The following QSOX1 variants were observed in gnomAD, a reference collection of about 807,000 sequenced individuals.
QSOX1 encodes sulfhydryl oxidase 1.
Under a neutral mutation model 76.1 loss-of-function variants are expected in QSOX1, and 40 were observed. The observed-to-expected ratio is 0.53, with a 90% CI of 0.41 to 0.68. The LOEUF is 0.68. Among genes scored for constraint, QSOX1 ranks in the 30% least tolerant of loss-of-function variants. The pLI is 0.00. For missense variants in QSOX1, 931 were observed against 974.3 expected (o/e 0.96, Z 0.59); for synonymous variants, 392 against 413.1 (o/e 0.95, Z 0.62).
intron 5 of QSOX1, among the ~76,000 whole-genome samples, chr1:180,179,689 T>G (rs1485378264): frequency 1.3e-5 from 2 of 152,254 alleles, no homozygotes; most frequent in African/African-American, 4.8e-5. Flanking sequence ...TCCAAGTCAG[T>G]GCAGGGAGAC....
chr1:180,167,514 A>C (rs984626225), intron 2 of QSOX1, among the ~76,000 whole-genome samples: 1 of 152,182 alleles, frequency 6.6e-6, no homozygotes, highest in Non-Finnish European at 1.5e-5. Context: ...AACTCAGCTT[A>C]ATTACCCCAG....
At chr1:180,155,257 G>C in intron 1 of QSOX1, 85 bp downstream of exon 1, 1 of 1,263,158 alleles carries the variant, frequency 7.9e-7, no homozygotes, top group Non-Finnish European at 1.0e-6. Flanking sequence ...TACTCCGGGA[G>C]CGCGTCCCTC....
rs1662880511 is a variant in QSOX1 at position 180,175,942 on chromosome 1, G to A, written c.424G>A (p.Asp142Asn). The change falls in exon 4 of 12, where the codon GAC becomes AAC. Residue 142 changes from aspartate to asparagine, a missense_variant. Transcript: ENST00000367602. ...SGAVFPVAGADVQTLRERLID... is the reference protein window; with the variant it reads ...SGAVFPVAGANVQTLRERLID... ...GTTTTCATTTACAGTGGCTGGTGCTGACGTGCAGACACTGCGGGAGAGGCT... is the reference window on the plus strand; with the variant it reads ...GTTTTCATTTACAGTGGCTGGTGCTAACGTGCAGACACTGCGGGAGAGGCT... 1.1e-5 allele frequency: 17 copies of A among 1,592,998 alleles called. No individual in the cohort carries two copies. The highest frequency in any genetic ancestry group is 1.5e-5 in the Non-Finnish European group (17 of 1,170,380).
chr1:180,192,752 C>A (rs532944205), intron 10 of QSOX1, among the ~76,000 whole-genome samples: 27 of 152,220 alleles, frequency 1.8e-4, no homozygotes, highest in African/African-American at 5.8e-4. Context: ...ACAGTTGAGT[C>A]TGGAGTTCCA....
In QSOX1 at chr1:180,194,232, C is replaced by T. The variant is rs747367110; in HGVS notation, c.1308C>T (p.Leu436=). The change falls in exon 11 of 12, where the codon CTC becomes CTT. Residue 436 remains leucine, a synonymous_variant. Transcript: ENST00000367602. The stretch of plus-strand genomic sequence containing the variant: ...CTGTAGCCAAGGCCAAGGAGGTCCT[C>T]CCAGCCATCCGAGGCTACGTGCACT... ...SQEAAKAKEV[L]PAIRGYVHYF... 2.5e-6 allele frequency: 4 copies of T among 1,612,594 alleles called. No homozygotes were observed. The highest frequency in any genetic ancestry group is 3.3e-5 in the Admixed American group (2 of 59,890).
chr1:180,180,438 G>T (rs372755746), intron 5 of QSOX1, among the ~76,000 whole-genome samples: 14 of 152,164 alleles, frequency 9.2e-5, no homozygotes, highest in African/African-American at 3.4e-4. Context: ...TCAAACTCCT[G>T]ACCTCAGGAG....
intron 1 of QSOX1, among the ~76,000 whole-genome samples, chr1:180,165,585 G>A (rs1375550201): frequency 6.6e-6 from 1 of 152,254 alleles, no homozygotes; most frequent in African/African-American, 2.4e-5. Context: ...TTGGTCTGCA[G>A]GGCCGACCTC....
chr1:180,186,067 T>C lies in QSOX1; in HGVS notation c.902T>C (p.Met301Thr). ...WKLADRSKIY[M>T]ADLESALHYI... ...TGGGTCCTCAGCTCCAAGATCTACA[T>C]GGCTGACCTGGAATCTGCACTGCAC... is the stretch of plus-strand genomic sequence containing the variant. The change falls in exon 8 of 12, where the codon ATG becomes ACG. Residue 301 changes from methionine (M) to threonine (T), a missense_variant. Met to Thr is a moderately conservative substitution (Grantham distance 81). Coordinates refer to ENST00000367602, the MANE Select transcript of QSOX1 (RefSeq NM_002826.5). 6.2e-7 allele frequency: 1 copy of C among 1,614,008 alleles called. No homozygotes were observed. The highest frequency in any genetic ancestry group is 1.3e-5 in the African/African-American group (1 of 74,986).
In QSOX1 at chr1:180,196,726, C is replaced by T. The variant is rs140786869; in HGVS notation, c.1933C>T (p.Arg645Ter). Reference protein sequence around the residue: ...QPLGQWHLSKRDTGAALLAES... With the variant: ...QPLGQWHLSK ...GCTTGGGCAGTGGCACTTGAGCAAG[C>T]GAGACACAGGGGCTGCATTGCTGGC... Residue 645 changes from arginine to a stop codon, truncating the protein, a stop_gained, in exon 12 of 12, where the codon CGA becomes TGA. Coordinates refer to ENST00000367602, the MANE Select transcript of QSOX1 (RefSeq NM_002826.5). LOFTEE classifies it high-confidence loss of function. This position sits in a 1 kb window ranked among gnomAD's most constrained non-coding sequence, Gnocchi z 4.1. 34 of 1,613,970 alleles carry T rather than the reference C, an allele frequency of 2.1e-5. No individual in the cohort carries two copies. Among genetic ancestry groups the T allele is most frequent in the African/African-American group, 6.7e-5 (5 of 74,934 alleles).
chr1:180,186,094 A>G lies in QSOX1; in HGVS notation c.929A>G (p.Tyr310Cys). 6.2e-7 allele frequency: 1 copy of G among 1,614,098 alleles called. No homozygotes were observed. Among genetic ancestry groups the G allele is most frequent in the Non-Finnish European group, 8.5e-7 (1 of 1,179,920 alleles). Residue 310 changes from tyrosine to cysteine, a missense_variant, in exon 8 of 12, where the codon TAC becomes TGC. Coordinates refer to ENST00000367602, the MANE Select transcript of QSOX1 (RefSeq NM_002826.5). Reference protein sequence around the residue: ...YMADLESALHYILRIEVGRFP... With the variant: ...YMADLESALHCILRIEVGRFP... ...GCTGACCTGGAATCTGCACTGCACT[A>G]CATCCTGCGGATAGAAGTGGGCAGG...
intron 1 of QSOX1, among the ~76,000 whole-genome samples, chr1:180,157,904 A>G (rs897911321): frequency 6.6e-6 from 1 of 152,184 alleles, no homozygotes; most frequent in Admixed American, 6.5e-5. Flanking sequence ...AAAAAGGCCA[A>G]AGGAGTGGTT....
At chr1:180,171,438 G>A (rs1662757658) in intron 2 of QSOX1, among the ~76,000 whole-genome samples, 1 of 151,960 alleles carries the variant, frequency 6.6e-6, no homozygotes, top group African/African-American at 2.4e-5. Flanking sequence ...CAGTCTTGGG[G>A]ATGGTGGGGG....
rs150208169 is a variant in QSOX1 at position 180,197,399 on chromosome 1, C to T, written c.*362C>T. 1 of 1,612,104 alleles carries T rather than the reference C, an allele frequency of 6.2e-7. No individual in the cohort carries two copies. Among genetic ancestry groups the T allele is most frequent in the African/African-American group, 1.3e-5 (1 of 74,886 alleles). ...TCTCCTGCTTGGTCTTGGCCCTCAACTGGGGCAAGTGAAGCCAGAGGAGGG... is the reference window on the plus strand; with the variant it reads ...TCTCCTGCTTGGTCTTGGCCCTCAATTGGGGCAAGTGAAGCCAGAGGAGGG... On this transcript the variant is annotated 3_prime_UTR_variant, in exon 12 of 12. Coordinates refer to ENST00000367602, the MANE Select transcript of QSOX1 (RefSeq NM_002826.5).
At position 180,194,092 on chromosome 1, in the gene QSOX1, T is replaced by G. The variant is rs944091908; in HGVS notation, c.1289-121T>G. On this transcript the variant is annotated intron_variant, in intron 10 of 11. Transcript: ENST00000367602. ...GCCTCTGCTGGCATAGGCTGGGGTG[T>G]GTGGCACCTGTGCAGGGGTGGCCAC... is the stretch of plus-strand genomic sequence containing the variant. 3.8e-6 allele frequency: 3 copies of G among 797,604 alleles called. No homozygotes were observed. The African/African-American group carries it at 5.3e-5, about 14-fold the overall frequency. 49.4% of individuals were successfully genotyped at this position (797,604 alleles called of 1,614,324 possible).
chr1:180,155,731 G>T (rs1031631573), intron 1 of QSOX1, among the ~76,000 whole-genome samples: 1 of 152,148 alleles, frequency 6.6e-6, no homozygotes, highest in African/African-American at 2.4e-5. Flanking sequence ...CTTTGATGTG[G>T]GTATGTCCAC....
intron 1 of QSOX1, among the ~76,000 whole-genome samples, chr1:180,159,964 A>G (rs532206030): frequency 6.6e-6 from 1 of 152,318 alleles, no homozygotes; most frequent in African/African-American, 2.4e-5. Flanking sequence ...CGGTCTTAAC[A>G]CATCATTTAT....
In QSOX1 at chr1:180,154,983, G is replaced by A. The variant is rs1289097660; in HGVS notation, c.76G>A (p.Gly26Ser). ...GCTGCTGTGGCTGCTCGCGGTTCCC[G>A]GCGCTAACGCGGCCCCGCGGTCGGC... ...LLLLWLLAVP[G>S]ANAAPRSALY... The change falls in exon 1 of 12, where the codon GGC (glycine) becomes AGC (serine). Residue 26 changes from glycine (G) to serine (S), a missense_variant. Coordinates refer to ENST00000367602, the MANE Select transcript of QSOX1 (RefSeq NM_002826.5). The A allele has an allele frequency of 2.7e-6, 4 of 1,507,106 alleles. No homozygotes were observed. In the African/African-American group the frequency reaches 5.8e-5, roughly 22 times the overall value. The allele number at this position is 1,507,106 out of a possible 1,614,324, so 93.4% of individuals were successfully genotyped here.
At chr1:180,166,635 T>C in intron 2 of QSOX1, 44 bp downstream of exon 2, 1 of 1,572,498 alleles carries the variant, frequency 6.4e-7, no homozygotes, top group Non-Finnish European at 8.7e-7. Context: ...GCCTGCTTTG[T>C]TTCCCTTTAT....
intron 7 of QSOX1, among the ~76,000 whole-genome samples, chr1:180,184,494 C>CTACAGCG (rs1553274761): frequency 6.6e-6 from 1 of 151,410 alleles, no homozygotes; most frequent in Non-Finnish European, 1.5e-5. Context: ...TGTGCAGACC[C>CTACAGCG]TACAGCATCC....
Sources: gnomAD v4.1 joint callset for allele counts (sites outside exome capture counted in the v4.1 genomes callset) on GRCh38, gnomAD v4.1.1 for gene constraint, Gnocchi (gnomAD v3.1) non-coding constraint, MANE v1.5 for transcripts, NCBI Gene and HGNC (gene_info 2026-07-23, HGNC 2026-07-21) for gene names.